The following MON1B variants were observed in gnomAD, a reference collection of about 807,000 sequenced individuals.
MON1B encodes vacuolar fusion protein MON1 homolog B.
A neutral mutation model predicts 45.1 loss-of-function variants in MON1B; 26 were observed. That is an observed-to-expected ratio of 0.58 (90% CI 0.42 to 0.80). The LOEUF is 0.80. Ranked by LOEUF, MON1B falls within the 30% of genes least tolerant of loss-of-function variation. The pLI is 0.00. For missense variants in MON1B, 737 were observed against 754.5 expected (o/e 0.98, Z 0.27); for synonymous variants, 395 against 320.2 (o/e 1.23, Z -2.49).
Position 77,199,378 on chromosome 16 carries a change from G to T in MON1B, c.*1070G>T. Reference sequence around the variant, plus strand: ...GGGTTGCACGCATGCGTGCTGAAAAGCCTTTCACCCTCACGTGGTTTCTTT... The same window carrying T: ...GGGTTGCACGCATGCGTGCTGAAAATCCTTTCACCCTCACGTGGTTTCTTT... On this transcript the variant is annotated 3_prime_UTR_variant, in exon 6 of 6. Transcript: ENST00000248248. 3 of 1,471,108 alleles carry T rather than the reference G, an allele frequency of 2.0e-6. No homozygotes were observed. Among genetic ancestry groups the T allele is most frequent in the Non-Finnish European group, 2.8e-6 (3 of 1,077,776 alleles). 91.1% of individuals were successfully genotyped at this position (1,471,108 alleles called of 1,614,324 possible).
At position 77,199,710 on chromosome 16, in the gene MON1B, G is replaced by A. The variant is rs1027691791; in HGVS notation, c.*1402G>A. The A allele has an allele frequency of 1.9e-6, 1 of 529,680 alleles. No individual in the cohort carries two copies. The highest frequency in any genetic ancestry group is 3.1e-5 in the East Asian group (1 of 32,596). The allele number at this position is 529,680 out of a possible 1,614,324, so 32.8% of individuals were successfully genotyped here. On this transcript the variant is annotated 3_prime_UTR_variant, in exon 6 of 6. Coordinates refer to ENST00000248248, the MANE Select transcript of MON1B (RefSeq NM_014940.4). The stretch of plus-strand genomic sequence containing the variant: ...AATTAACAGGCATATTCTTATCACC[G>A]AGATTAACTTTTGTCAACTGTAGTG...
At position 77,198,206 on chromosome 16, in the gene MON1B, A is replaced by G. The variant is rs765491454; in HGVS notation, c.1542A>G (p.Lys514=). ...CCAAACTCCTGCGCTGGGTGAAGAA[A>G]GAGGAGGACCGGCTCTTCATTCGTT... ...VVTKLLRWVK[K]EEDRLFIRYP... Residue 514 remains lysine, a synonymous_variant, in exon 6 of 6, where the codon AAA becomes AAG. Coordinates refer to ENST00000248248, the MANE Select transcript of MON1B (RefSeq NM_014940.4). The G allele has an allele frequency of 2.5e-6, 4 of 1,614,118 alleles. No individual in the cohort carries two copies. Among genetic ancestry groups the G allele is most frequent in the Non-Finnish European group, 3.4e-6 (4 of 1,180,022 alleles).
Position 77,199,576 on chromosome 16 carries a change from G to C in MON1B, c.*1268G>C. The C allele has an allele frequency of 8.2e-7, 1 of 1,226,522 alleles. No homozygotes were observed. Among genetic ancestry groups the C allele is most frequent in the Non-Finnish European group, 1.2e-6 (1 of 864,498 alleles). The allele number at this position is 1,226,522 out of a possible 1,614,324, so 76.0% of individuals were successfully genotyped here. ...CCAGGGCAGAAAGGAGGGAGGATTC[G>C]TCCCATTACAATAATGAAATAATGA... is the stretch of plus-strand genomic sequence containing the variant. On this transcript the variant is annotated 3_prime_UTR_variant, in exon 6 of 6. Coordinates refer to ENST00000248248, the MANE Select transcript of MON1B (RefSeq NM_014940.4).
intron 5 of MON1B, among the ~76,000 whole-genome samples, chr16:77,196,107 G>A (rs996434232): frequency 6.6e-6 from 1 of 152,114 alleles, no homozygotes; most frequent in Non-Finnish European, 1.5e-5. Flanking sequence ...TCCACCTGGG[G>A]TATCCTTCCC....
chr16:77,194,925 C>G lies in MON1B; in HGVS notation c.1066C>G (p.Gln356Glu). 1 of 1,613,742 alleles carries G rather than the reference C, an allele frequency of 6.2e-7. No homozygotes were observed. The highest frequency in any genetic ancestry group is 8.5e-7 in the Non-Finnish European group (1 of 1,180,030). ...MPVCLLLLGTQREAFHAMAAC... is the reference protein window; with the variant it reads ...MPVCLLLLGTEREAFHAMAAC... ...TGTCTGCCTGCTGCTGCTTGGCACC[C>G]AACGTGAAGCCTTCCATGCCATGGC... The change falls in exon 4 of 6, where the codon CAA becomes GAA. Residue 356 changes from glutamine to glutamate, a missense_variant. Coordinates refer to ENST00000248248, the MANE Select transcript of MON1B (RefSeq NM_014940.4). The surrounding 1 kb of genome is among the most constrained non-coding windows in gnomAD (Gnocchi z 8.1).
rs1348640303 is a variant in MON1B at position 77,191,551 on chromosome 16, G to T, written c.66G>T (p.Gln22His). ...PGGAEDLEDT[Q>H]FPSEEAREGG... ...GCGCGGAGGACTTGGAGGACACGCA[G>T]TTCCCCAGTGAGGAAGCTAGAGAAG... Residue 22 changes from glutamine (Q) to histidine (H), a missense_variant, in exon 2 of 6, where the codon CAG becomes CAT. Physicochemically the swap from Gln to His is conservative, Grantham distance 24. Transcript: ENST00000248248. 2.5e-6 allele frequency: 4 copies of T among 1,609,096 alleles called. No homozygotes were observed. In the South Asian group the frequency reaches 3.3e-5, roughly 13 times the overall value.
At position 77,199,379 on chromosome 16, in the gene MON1B, C is replaced by A; in HGVS notation, c.*1071C>A. The A allele has an allele frequency of 1.4e-6, 2 of 1,471,816 alleles. No homozygotes were observed. Among genetic ancestry groups the A allele is most frequent in the South Asian group, 1.2e-5 (1 of 81,658 alleles). The allele number at this position is 1,471,816 out of a possible 1,614,324, so 91.2% of individuals were successfully genotyped here. On this transcript the variant is annotated 3_prime_UTR_variant, in exon 6 of 6. Coordinates refer to ENST00000248248, the MANE Select transcript of MON1B (RefSeq NM_014940.4). ...GGTTGCACGCATGCGTGCTGAAAAGCCTTTCACCCTCACGTGGTTTCTTTT... is the reference window on the plus strand; with the variant it reads ...GGTTGCACGCATGCGTGCTGAAAAGACTTTCACCCTCACGTGGTTTCTTTT...
chr16:77,200,291 T>TATATATACATATATATATATATATATAC lies in MON1B; in HGVS notation c.*1984_*1985insTATATACATATATATATATATATATACA. 4.5e-5 allele frequency: 5 copies of TATATATACATATATATATATATATATAC among 111,430 alleles called. No homozygotes were observed. Among genetic ancestry groups the TATATATACATATATATATATATATATAC allele is most frequent in the African/African-American group, 1.7e-4 (5 of 29,728 alleles). The allele number at this position is 111,430 out of a possible 1,614,324, so 6.9% of individuals were successfully genotyped here. ...ATATATGTGTATATATATATATATATACACACACTAATCAGCCGGGCGCGG... is the reference window on the plus strand; with the variant it reads ...ATATATGTGTATATATATATATATATATATATACATATATATATATATATATACACACACACTAATCAGCCGGGCGCGG... On this transcript the variant is annotated 3_prime_UTR_variant, in exon 6 of 6. Coordinates refer to ENST00000248248, the MANE Select transcript of MON1B (RefSeq NM_014940.4).
chr16:77,192,053 C>T (rs894760545), intron 2 of MON1B, among the ~76,000 whole-genome samples: 7 of 152,068 alleles, frequency 4.6e-5, no homozygotes, highest in Non-Finnish European at 5.9e-5. Context: ...CAGTGGAGTT[C>T]GATGGGCACT....
At chr16:77,191,838 C>T (rs1344017428) in intron 2 of MON1B, among the ~76,000 whole-genome samples, 3 of 152,004 alleles carry the variant, frequency 2.0e-5, no homozygotes, top group Non-Finnish European at 4.4e-5. Context: ...CGGATGTTCA[C>T]TGGGGGTTTG....
chr16:77,198,473 C>CTGCTCGCCTGGCGGCT lies in MON1B; in HGVS notation c.*165_*166insTGCTCGCCTGGCGGCT. 2 of 748,544 alleles carry CTGCTCGCCTGGCGGCT rather than the reference C, an allele frequency of 2.7e-6. No individual in the cohort carries two copies. The highest frequency in any genetic ancestry group is 2.2e-6 in the Non-Finnish European group (1 of 464,574). 46.4% of individuals were successfully genotyped at this position (748,544 alleles called of 1,614,324 possible). On this transcript the variant is annotated 3_prime_UTR_variant, in exon 6 of 6. Transcript: ENST00000248248. ...CACCGATGAGAGAGATGGTGGCAGC[C>CTGCTCGCCTGGCGGCT]GCCAGGCGAGCAGGCTGCTTTCCCT... is the stretch of plus-strand genomic sequence containing the variant.
chr16:77,191,534 G>A lies in MON1B; in HGVS notation c.49G>A (p.Asp17Asn), dbSNP rs138132396. The A allele has an allele frequency of 5.6e-6, 9 of 1,609,562 alleles. No individual in the cohort carries two copies. Among genetic ancestry groups the A allele is most frequent in the Non-Finnish European group, 7.6e-6 (9 of 1,178,844 alleles). The change falls in exon 2 of 6, where the codon GAC becomes AAC. Residue 17 changes from aspartate to asparagine, a missense_variant. Asp to Asn is a conservative substitution (Grantham distance 23). Transcript: ENST00000248248. The stretch of plus-strand genomic sequence containing the variant: ...TGCCCCGGCCCCCGGGGGCGCGGAG[G>A]ACTTGGAGGACACGCAGTTCCCCAG... ...TAAPAPGGAEDLEDTQFPSEE... is the reference protein window; with the variant it reads ...TAAPAPGGAENLEDTQFPSEE...
Position 77,201,123 on chromosome 16 carries a change from C to T in MON1B, c.*2815C>T, listed in dbSNP as rs1473698841. 6.6e-6 allele frequency: 1 copy of T among 152,176 alleles called. No homozygotes were observed. The allele number at this position is 152,176 out of a possible 1,614,324, so 9.4% of individuals were successfully genotyped here. On this transcript the variant is annotated 3_prime_UTR_variant, in exon 6 of 6. Transcript: ENST00000248248. Reference sequence around the variant, plus strand: ...ACCTCTCGCTCCCCTGCACCTAAAACAATGCCTGCTTGGTGTAAAGTAAGT... The same window carrying T: ...ACCTCTCGCTCCCCTGCACCTAAAATAATGCCTGCTTGGTGTAAAGTAAGT...
At chr16:77,197,377 C>G (rs1248285702) in intron 5 of MON1B, among the ~76,000 whole-genome samples, 1 of 152,170 alleles carries the variant, frequency 6.6e-6, no homozygotes, top group Non-Finnish European at 1.5e-5. Flanking sequence ...GCCTGGGTAA[C>G]AGAGTAAGAC....
At position 77,193,472 on chromosome 16, in the gene MON1B, C is replaced by T. The variant is rs770143983; in HGVS notation, c.170C>T (p.Pro57Leu). The change falls in exon 3 of 6, where the codon CCA becomes CTA. Residue 57 changes from proline to leucine, a missense_variant. Pro to Leu is a moderately conservative substitution (Grantham distance 98). Coordinates refer to ENST00000248248, the MANE Select transcript of MON1B (RefSeq NM_014940.4). The surrounding 1 kb of genome is among the most constrained non-coding windows in gnomAD (Gnocchi z 5.0). ...TCAGGATCCAAGGACAAGGACCAGC[C>T]ACCCAGCCCATCACCACCGCCCCAG... Reference protein sequence around the residue: ...EETGSKDKDQPPSPSPPPQSE... With the variant: ...EETGSKDKDQLPSPSPPPQSE... 30 of 1,568,316 alleles carry T rather than the reference C, an allele frequency of 1.9e-5. 1 individual carries two copies. In the South Asian group the frequency reaches 3.2e-4, roughly 17 times the overall value.
Position 77,198,282 on chromosome 16 carries a change from CA to C in MON1B, c.1619del (p.His540LeufsTer47). 2 of 1,614,226 alleles carry C rather than the reference CA, an allele frequency of 1.2e-6. No individual in the cohort carries two copies. The highest frequency in any genetic ancestry group is 1.7e-6 in the Non-Finnish European group (2 of 1,180,038). On this transcript the variant is annotated frameshift_variant, in exon 6 of 6. Coordinates refer to ENST00000248248, the MANE Select transcript of MON1B (RefSeq NM_014940.4). LOFTEE classifies it high-confidence loss of function. ...AGCCACCTCTACGGACCAAGCTGCC[CA>C]TAATGGCTTGTTCACTGGACTCTGA... ...PPATSTDQAA[H>X]NGLFTGL is the part of the protein sequence containing the mutation.
In MON1B at chr16:77,194,237, G is replaced by GT; in HGVS notation, c.476-97dup. The stretch of plus-strand genomic sequence containing the variant: ...GAGTGAGCATGTGGACTCGGGCCTG[G>GT]TGTGTGTATGGTAGGAGAGGGCAGA... On this transcript the variant is annotated intron_variant, in intron 3 of 5. Transcript: ENST00000248248. This position sits in a 1 kb window ranked among gnomAD's most constrained non-coding sequence, Gnocchi z 8.1. The GT allele has an allele frequency of 9.1e-7, 1 of 1,095,014 alleles. No homozygotes were observed. The highest frequency in any genetic ancestry group is 1.4e-6 in the Non-Finnish European group (1 of 721,456). 67.8% of individuals were successfully genotyped at this position (1,095,014 alleles called of 1,614,324 possible). A position where few individuals can be genotyped will look rare whatever the true frequency, so the allele number is the denominator to read the frequency against.
intron 4 of MON1B, 138 bp downstream of exon 4, chr16:77,195,292 G>A (rs771559879): frequency 6.7e-6 from 7 of 1,049,924 alleles, no homozygotes; most frequent in Non-Finnish European, 9.4e-6. Flanking sequence ...TCTGTCTGAT[G>A]ATGGAGCATC....
At chr16:77,192,307 A>C (rs1047185657) in intron 2 of MON1B, among the ~76,000 whole-genome samples, 1 of 152,222 alleles carries the variant, frequency 6.6e-6, no homozygotes, top group Admixed American at 6.5e-5. Flanking sequence ...AGGTAAGAGC[A>C]GTTATTAGGA....
Sources: allele counts gnomAD v4.1 joint callset (sites outside exome capture counted in the v4.1 genomes callset), GRCh38; gene constraint gnomAD v4.1.1; non-coding constraint Gnocchi (gnomAD v3.1); transcripts MANE v1.5; gene names NCBI Gene and HGNC (gene_info 2026-07-23, HGNC 2026-07-21).